Variants in LRP1 observed in about 807,000 individuals in gnomAD.
LRP1 encodes the protein LDL receptor related protein 1, also known as prolow-density lipoprotein receptor-related protein 1.
A neutral mutation model predicts 541.5 loss-of-function variants in LRP1; 51 were observed. The observed-to-expected ratio is 0.09, with a 90% CI of 0.08 to 0.12. LRP1 has a LOEUF of 0.12. Ranked by LOEUF, LRP1 falls within the 10% of genes least tolerant of loss-of-function variation. The pLI, the probability that LRP1 is intolerant of heterozygous loss-of-function variation, is 1.00. For missense variants in LRP1, 3,878 were observed against 6,376.2 expected, an observed-to-expected ratio of 0.61 and a Z score of 13.34; for synonymous variants, 2,219 against 2,470.8, an observed-to-expected ratio of 0.90 and a Z score of 3.02.
At chr12:57,200,404 A>C (rs2036623590) in intron 62 of LRP1, 38 bp from the exon 63 acceptor site, 19 of 1,028,442 alleles carry the variant, frequency 1.8e-5, no homozygotes, top group East Asian at 4.8e-5. Flanking sequence ...AGTCCCCCAG[A>C]CCCCCACCAA....
At position 57,178,789 on chromosome 12, in the gene LRP1, T is replaced by G. The variant is rs113270672; in HGVS notation, c.4607-101T>G. On this transcript the variant is annotated intron_variant, in intron 27 of 88. Transcript: ENST00000243077. This position sits in a 1 kb window ranked among gnomAD's most constrained non-coding sequence, Gnocchi z 5.8. ...AGAAGGGTCTAGTAGTAGCGGCTGC[T>G]GGAACAGGGGGAGGAGAGTGGGCGA... 1.2e-5 allele frequency: 19 copies of G among 1,524,936 alleles called. No individual in the cohort carries two copies. The highest frequency in any genetic ancestry group is 1.7e-5 in the Non-Finnish European group (19 of 1,133,960). The allele number at this position is 1,524,936 out of a possible 1,614,324, so 94.5% of individuals were successfully genotyped here. A position where few individuals can be genotyped will look rare whatever the true frequency, so the allele number is the denominator to read the frequency against.
intron 44 of LRP1, among the ~76,000 whole-genome samples, chr12:57,191,957 CAT>C (rs371592470): frequency 0.014 from 168 of 12,170 alleles, no homozygotes; most frequent in East Asian, 0.02. Flanking sequence ...ACACACACCA[CAT>C]ACACACACCA....
In LRP1 at chr12:57,209,077, C is replaced by T. The variant is rs749176373; in HGVS notation, c.12146-6C>T. On this transcript the variant is annotated splice_region_variant and splice_polypyrimidine_tract_variant and intron_variant, in intron 78 of 88. Transcript: ENST00000243077. ...CAAGCTCTCACAGTGCTCTCTCTCT[C>T]CCCAGGCCTGGCCGTGGATTATCAC... 28 of 1,609,696 alleles carry T rather than the reference C, an allele frequency of 1.7e-5. 1 individual carries two copies. The highest frequency in any genetic ancestry group is 1.4e-4 in the South Asian group (13 of 90,924).
At chr12:57,151,528 C>T (rs2035525254) in intron 6 of LRP1, among the ~76,000 whole-genome samples, 1 of 152,242 alleles carries the variant, frequency 6.6e-6, no homozygotes, top group African/African-American at 2.4e-5. Flanking sequence ...AGAAGGTGCG[C>T]TCAGGTGGTT....
chr12:57,187,803 C>T (rs550496432), intron 42 of LRP1, among the ~76,000 whole-genome samples: 3 of 152,152 alleles, frequency 2.0e-5, no homozygotes, highest in East Asian at 1.9e-4. Flanking sequence ...GAATGTTTGT[C>T]GAACCCTTCG....
chr12:57,142,661 G>T (rs779575356), intron 3 of LRP1, among the ~76,000 whole-genome samples: 4 of 152,168 alleles, frequency 2.6e-5, no homozygotes, highest in Admixed American at 6.5e-5. Flanking sequence ...CCTCAGGTCT[G>T]AATTTCCTTC....
Position 57,198,525 on chromosome 12 carries a change from G to C in LRP1, c.9531G>C (p.Gly3177=). ...HSLIGRIGMD[G]SSRSVIVDTK... ...TGATCGGCCGCATCGGCATGGATGGGTCCAGCCGCAGCGTCATCGTGGACA... is the reference window on the plus strand; with the variant it reads ...TGATCGGCCGCATCGGCATGGATGGCTCCAGCCGCAGCGTCATCGTGGACA... The change falls in exon 60 of 89, where the codon GGG becomes GGC. Residue 3177 remains glycine (G), a synonymous_variant. Coordinates refer to ENST00000243077, the MANE Select transcript of LRP1 (RefSeq NM_002332.3). 6.2e-7 allele frequency: 1 copy of C among 1,614,034 alleles called. No homozygotes were observed. Among genetic ancestry groups the C allele is most frequent in the Non-Finnish European group, 8.5e-7 (1 of 1,180,014 alleles).
intron 41 of LRP1, among the ~76,000 whole-genome samples, chr12:57,186,949 T>C (rs2036282222): frequency 6.6e-6 from 1 of 152,230 alleles, no homozygotes; most frequent in Admixed American, 6.5e-5. Context: ...AGGATTTGAT[T>C]TACAGAAATC....
In LRP1 at chr12:57,187,386, G is replaced by A. The variant is rs367854676; in HGVS notation, c.6961G>A (p.Glu2321Lys). 131 of 1,614,080 alleles carry A rather than the reference G, an allele frequency of 8.1e-5. No individual in the cohort carries two copies. Among genetic ancestry groups the A allele is most frequent in the Middle Eastern group, 1.6e-4 (1 of 6,084 alleles). ...GGACCAGACCCGCCCAGGGGCCTTC[G>A]AGCGTGAGACCGTCATCACTATGTC... The part of the protein sequence containing the change: ...TVDQTRPGAF[E>K]RETVITMSGD... The change falls in exon 42 of 89, where the codon GAG (glutamate) becomes AAG (lysine). Residue 2321 changes from glutamate to lysine, a missense_variant. Physicochemically the swap from Glu to Lys is moderately conservative, Grantham distance 56. Coordinates refer to ENST00000243077, the MANE Select transcript of LRP1 (RefSeq NM_002332.3).
intron 47 of LRP1, 73 bp downstream of exon 47, chr12:57,193,758 C>T (rs2036465934): frequency 6.2e-7 from 1 of 1,611,552 alleles, no homozygotes; most frequent in African/African-American, 1.3e-5. Context: ...CAAGCTTTGT[C>T]CCTGGGCCCC....
intron 80 of LRP1, 72 bp downstream of exon 80, chr12:57,209,940 G>A: frequency 1.9e-6 from 3 of 1,593,082 alleles, no homozygotes; most frequent in Non-Finnish European, 2.6e-6. Flanking sequence ...TGTGGCCCTG[G>A]GACCTGGTGG....
Position 57,211,961 on chromosome 12 carries a change from G to C in LRP1, c.13293G>C (p.Leu4431=). The change falls in exon 87 of 89, where the codon CTG becomes CTC. Residue 4431 remains leucine, a synonymous_variant. Coordinates refer to ENST00000243077, the MANE Select transcript of LRP1 (RefSeq NM_002332.3). The surrounding 1 kb of genome is among the most constrained non-coding windows in gnomAD (Gnocchi z 4.3). ...IASILIPLLL[L]LLLVLVAGVV... is the part of the protein sequence containing the mutation. Reference sequence around the variant, plus strand: ...CCATCCTAATCCCTCTGCTGTTGCTGCTGCTGCTGGTTCTGGTGGCCGGAG... The same window carrying C: ...CCATCCTAATCCCTCTGCTGTTGCTCCTGCTGCTGGTTCTGGTGGCCGGAG... 1 of 1,614,158 alleles carries C rather than the reference G, an allele frequency of 6.2e-7. No individual in the cohort carries two copies. Among genetic ancestry groups the C allele is most frequent in the Non-Finnish European group, 8.5e-7 (1 of 1,180,024 alleles).
chr12:57,184,723 GT>G lies in LRP1; in HGVS notation c.6187-114del. ...GAGTGTATGCAGGAGGCAGGAGTGA[GT>G]TAGGGGAGGCTGAACTGAGGGCCTC... On this transcript the variant is annotated intron_variant, in intron 38 of 88. Transcript: ENST00000243077. This position sits in a 1 kb window ranked among gnomAD's most constrained non-coding sequence, Gnocchi z 7.8. 1 of 1,186,036 alleles carries G rather than the reference GT, an allele frequency of 8.4e-7. No individual in the cohort carries two copies. Among genetic ancestry groups the G allele is most frequent in the South Asian group, 1.5e-5 (1 of 66,928 alleles). 73.5% of individuals were successfully genotyped at this position (1,186,036 alleles called of 1,614,324 possible).
At chr12:57,200,110 A>C in intron 62 of LRP1, 85 bp downstream of exon 62, 2 of 1,227,120 alleles carry the variant, frequency 1.6e-6, no homozygotes, top group Non-Finnish European at 1.1e-6. Flanking sequence ...GCTCTGTCCT[A>C]ATGTCCTCAT....
At position 57,204,874 on chromosome 12, in the gene LRP1, T is replaced by C. The variant is rs1175189166; in HGVS notation, c.11194+125T>C. ...GAGGACTCGCCCAGGAAGGGGAGGA[T>C]CCATTGCTAGGAGCCTGGGGGCTTT... is the stretch of plus-strand genomic sequence containing the variant. On this transcript the variant is annotated intron_variant, in intron 72 of 88. Transcript: ENST00000243077. This position sits in a 1 kb window ranked among gnomAD's most constrained non-coding sequence, Gnocchi z 5.3. 10 of 1,466,630 alleles carry C rather than the reference T, an allele frequency of 6.8e-6. No individual in the cohort carries two copies. Among genetic ancestry groups the C allele is most frequent in the Non-Finnish European group, 9.2e-6 (10 of 1,085,090 alleles). The allele number at this position is 1,466,630 out of a possible 1,614,324, so 90.9% of individuals were successfully genotyped here.
chr12:57,151,098 T>C (rs2035517382), intron 6 of LRP1, among the ~76,000 whole-genome samples: 1 of 152,178 alleles, frequency 6.6e-6, no homozygotes, highest in Non-Finnish European at 1.5e-5. Context: ...AGCAGGTGAC[T>C]AGAATCCTGC....
Position 57,158,577 on chromosome 12 carries a change from C to T in LRP1, c.1737C>T (p.Thr579=), listed in dbSNP as rs1488548532. The change falls in exon 11 of 89, where the codon ACC becomes ACT. Residue 579 remains threonine, a synonymous_variant. Coordinates refer to ENST00000243077, the MANE Select transcript of LRP1 (RefSeq NM_002332.3). The surrounding 1 kb of genome is among the most constrained non-coding windows in gnomAD (Gnocchi z 5.3). The part of the protein sequence containing the change: ...ETGFIYFADT[T]SYLIGRQKID... ...GCTTCATCTACTTTGCCGACACCACCAGCTACCTCATTGGCCGCCAGAAGA... is the reference window on the plus strand; with the variant it reads ...GCTTCATCTACTTTGCCGACACCACTAGCTACCTCATTGGCCGCCAGAAGA... 6.2e-7 allele frequency: 1 copy of T among 1,614,196 alleles called. No individual in the cohort carries two copies. Among genetic ancestry groups the T allele is most frequent in the Admixed American group, 1.7e-5 (1 of 60,028 alleles).
chr12:57,210,678 T>C (rs755199476), intron 82 of LRP1, 40 bp from the exon 83 acceptor site: 2 of 1,583,758 alleles, frequency 1.3e-6, no homozygotes, highest in Non-Finnish European at 1.7e-6. Flanking sequence ...CCAGGTGGTC[T>C]CGAGGGCCAC....
chr12:57,180,869 G>A, intron 33 of LRP1, 62 bp downstream of exon 33: 1 of 1,597,118 alleles, frequency 6.3e-7, no homozygotes, highest in Non-Finnish European at 8.5e-7. Flanking sequence ...GTCCAGAGCT[G>A]CAGGCTGCAG....
Sources: allele counts gnomAD v4.1 joint callset (sites outside exome capture counted in the v4.1 genomes callset), GRCh38; gene constraint gnomAD v4.1.1; non-coding constraint Gnocchi (gnomAD v3.1); transcripts MANE v1.5; gene names NCBI Gene and HGNC (gene_info 2026-07-23, HGNC 2026-07-21).